Variants in SPAG6 observed in about 807,000 individuals in gnomAD.
SPAG6 encodes sperm-associated antigen 6.
SPAG6 carries 49 observed loss-of-function variants against 58.5 expected under a neutral mutation model. The ratio of observed to expected loss-of-function variants is 0.84; its 90% CI spans 0.67 to 1.06. The LOEUF is 1.06. SPAG6 is among the 50% of genes least tolerant of loss of function. The pLI is 0.00. For synonymous variants in SPAG6, 233 were observed against 225.6 expected (o/e 1.03, Z -0.29); for missense variants, 560 against 611.3 (o/e 0.92, Z 0.89).
intron 2 of SPAG6, among the ~76,000 whole-genome samples, chr10:22,361,826 AC>A (rs1429960691): frequency 6.6e-6 from 1 of 151,812 alleles, no homozygotes; most frequent in African/African-American, 2.4e-5. Context: ...TATAATAAAC[AC>A]TTAAAATTAA....
At chr10:22,403,512 AT>A (rs1211068805) in intron 9 of SPAG6, among the ~76,000 whole-genome samples, 2 of 152,078 alleles carry the variant, frequency 1.3e-5, no homozygotes, top group African/African-American at 4.8e-5. Flanking sequence ...TATGTGCCAC[AT>A]TTTCTTAATC....
intron 4 of SPAG6, among the ~76,000 whole-genome samples, chr10:22,379,997 T>G (rs1167097829): frequency 6.6e-6 from 1 of 152,070 alleles, no homozygotes; most frequent in Non-Finnish European, 1.5e-5. Context: ...TCTCTCTCTG[T>G]TTCCCATGCT....
At position 22,345,742 on chromosome 10, in the gene SPAG6, G is replaced by A. The variant is rs765624882; in HGVS notation, c.45G>A (p.Lys15=). 3.7e-6 allele frequency: 6 copies of A among 1,613,384 alleles called. No homozygotes were observed. The highest frequency in any genetic ancestry group is 4.2e-6 in the Non-Finnish European group (5 of 1,179,716). The change falls in exon 2 of 11, where the codon AAG becomes AAA. Residue 15 remains lysine (K), a synonymous_variant. Coordinates refer to ENST00000376624, the MANE Select transcript of SPAG6 (RefSeq NM_012443.4). This position sits in a 1 kb window ranked among gnomAD's most constrained non-coding sequence, Gnocchi z 6.3. ...QVLQVFEQYQ[K]ARTQFVQMVA... is the part of the protein sequence containing the mutation. Reference sequence around the variant, plus strand: ...CCGCAGTGTTCGAGCAATACCAGAAGGCCAGGACCCAGTTCGTGCAGATGG... The same window carrying A: ...CCGCAGTGTTCGAGCAATACCAGAAAGCCAGGACCCAGTTCGTGCAGATGG...
At chr10:22,355,111 C>G (rs760155014) in intron 2 of SPAG6, among the ~76,000 whole-genome samples, 2 of 152,020 alleles carry the variant, frequency 1.3e-5, no homozygotes, top group South Asian at 4.1e-4. Context: ...AATGTGAATT[C>G]AACAGACTAT....
intron 4 of SPAG6, among the ~76,000 whole-genome samples, chr10:22,378,683 T>C (rs1455608903): frequency 6.6e-6 from 1 of 152,188 alleles, no homozygotes; most frequent in Non-Finnish European, 1.5e-5. Flanking sequence ...GTGGTGGGGA[T>C]GGGAGCTAAA....
intron 2 of SPAG6, among the ~76,000 whole-genome samples, chr10:22,358,126 T>C (rs1588637147): frequency 1.3e-5 from 2 of 152,192 alleles, no homozygotes; most frequent in South Asian, 4.2e-4. Context: ...GGTCAAATGG[T>C]ATTTCTAGTT....
At chr10:22,373,911 T>G (rs1242107143) in intron 4 of SPAG6, among the ~76,000 whole-genome samples, 1 of 152,178 alleles carries the variant, frequency 6.6e-6, no homozygotes, top group Non-Finnish European at 1.5e-5. Context: ...TCCCTCTATG[T>G]TTTTTGGGCA....
chr10:22,362,891 A>G (rs554942702), intron 2 of SPAG6, among the ~76,000 whole-genome samples: 46 of 152,254 alleles, frequency 3.0e-4, no homozygotes, highest in Non-Finnish European at 5.3e-4. Flanking sequence ...TAAGATGCTC[A>G]ACATTATTAG....
chr10:22,409,849 C>A (rs910012525), intron 9 of SPAG6, among the ~76,000 whole-genome samples: 2 of 152,038 alleles, frequency 1.3e-5, no homozygotes, highest in Non-Finnish European at 2.9e-5. Flanking sequence ...AACCTGCAAA[C>A]GTGCTCAAGT....
intron 4 of SPAG6, among the ~76,000 whole-genome samples, chr10:22,374,114 T>G (rs1423367218): frequency 1.3e-5 from 2 of 152,314 alleles, no homozygotes; most frequent in South Asian, 4.1e-4. Context: ...TCTTCTAATT[T>G]TTTTTAACTT....
chr10:22,403,242 TCATCTAG>T (rs1171014002), intron 9 of SPAG6, among the ~76,000 whole-genome samples: 1 of 152,172 alleles, frequency 6.6e-6, no homozygotes, highest in Non-Finnish European at 1.5e-5. Flanking sequence ...CACTAACTCG[TCATCTAG>T]CATGAGGTAT....
At chr10:22,409,772 A>C (rs1477514209) in intron 9 of SPAG6, among the ~76,000 whole-genome samples, 1 of 152,138 alleles carries the variant, frequency 6.6e-6, no homozygotes, top group Non-Finnish European at 1.5e-5. Context: ...GGACCTTCCT[A>C]GTCTGGTCAG....
chr10:22,377,699 A>C (rs1022998774), intron 4 of SPAG6, among the ~76,000 whole-genome samples: 1 of 152,268 alleles, frequency 6.6e-6, no homozygotes, highest in Non-Finnish European at 1.5e-5. Context: ...ACTGCTGACC[A>C]GGGACCACGT....
At chr10:22,346,627 T>G (rs1336232686) in intron 2 of SPAG6, among the ~76,000 whole-genome samples, 2 of 152,056 alleles carry the variant, frequency 1.3e-5, no homozygotes, top group African/African-American at 4.8e-5. Context: ...TGAGAAATCT[T>G]CAGTTTATAG....
At chr10:22,381,022 C>G (rs1049676516) in intron 4 of SPAG6, among the ~76,000 whole-genome samples, 1 of 151,884 alleles carries the variant, frequency 6.6e-6, no homozygotes, top group Non-Finnish European at 1.5e-5. Context: ...AAAGATTATT[C>G]GAGTATCATA....
At position 22,348,369 on chromosome 10, in the gene SPAG6, G is replaced by A. The variant is rs574529592; in HGVS notation, c.121+2551G>A. 2.3e-4 allele frequency among the ~76,000 whole-genome samples: 35 copies of A among 152,282 alleles called. No individual in the cohort carries two copies. In the East Asian group the frequency reaches 2.5e-3, roughly 11 times the overall value. ...AAAAAGGGCTTTAGAATGAGCCTCA[G>A]TATGTGTAAATCAATTATACATTAT... is the stretch of plus-strand genomic sequence containing the variant. On this transcript the variant is annotated intron_variant, in intron 2 of 10. Coordinates refer to ENST00000376624, the MANE Select transcript of SPAG6 (RefSeq NM_012443.4).
At chr10:22,414,854 C>T (rs1186119722) in intron 10 of SPAG6, among the ~76,000 whole-genome samples, 1 of 152,168 alleles carries the variant, frequency 6.6e-6, no homozygotes, top group Non-Finnish European at 1.5e-5. Context: ...GCAACTGCCA[C>T]CTCTGGGGTT....
intron 4 of SPAG6, among the ~76,000 whole-genome samples, chr10:22,371,062 A>G (rs145221253): frequency 2.0e-5 from 3 of 152,288 alleles, no homozygotes; most frequent in East Asian, 3.9e-4. Context: ...TTCTTGGTAT[A>G]ATCTGGCTCC....
At chr10:22,354,578 C>T (rs1480517457) in intron 2 of SPAG6, among the ~76,000 whole-genome samples, 1 of 152,114 alleles carries the variant, frequency 6.6e-6, no homozygotes, top group Non-Finnish European at 1.5e-5. Flanking sequence ...TTTATATTTC[C>T]TCATGTAATT....
Sources: gnomAD v4.1 joint callset for allele counts (sites outside exome capture counted in the v4.1 genomes callset) on GRCh38, gnomAD v4.1.1 for gene constraint, Gnocchi (gnomAD v3.1) non-coding constraint, MANE v1.5 for transcripts, NCBI Gene and HGNC (gene_info 2026-07-23, HGNC 2026-07-21) for gene names.